The following ASIC2 variants were observed in gnomAD, a reference collection of about 807,000 sequenced individuals.
The protein encoded by ASIC2 is acid sensing ion channel subunit 2.
In ASIC2, 25 loss-of-function variants were observed where a neutral mutation model predicts 57.3. That is an observed-to-expected ratio of 0.44 (90% CI 0.32 to 0.61). The LOEUF (loss-of-function observed/expected upper bound fraction) is 0.61. ASIC2 is among the 20% of genes least tolerant of loss of function. The pLI is 0.06. For synonymous variants in ASIC2, 319 were observed against 307.5 expected, an observed-to-expected ratio of 1.04 and a Z score of -0.39; for missense variants, 641 against 738.1, an observed-to-expected ratio of 0.87 and a Z score of 1.52.
chr17:33,734,532 AC>A (rs1909852314), intron 1 of ASIC2, among the ~76,000 whole-genome samples: 1 of 151,826 alleles, frequency 6.6e-6, no homozygotes, highest in South Asian at 2.1e-4. Context: ...CTCATTTCCT[AC>A]CTACCCCTCT....
intron 1 of ASIC2, among the ~76,000 whole-genome samples, chr17:33,898,954 C>T (rs1420415780): frequency 2.0e-5 from 3 of 152,116 alleles, no homozygotes; most frequent in Admixed American, 1.3e-4. Flanking sequence ...ACTCAACTTA[C>T]CCCTTCCTCC....
intron 1 of ASIC2, among the ~76,000 whole-genome samples, chr17:33,502,617 C>T (rs1184250532): frequency 6.6e-6 from 1 of 152,152 alleles, no homozygotes; most frequent in Non-Finnish European, 1.5e-5. Flanking sequence ...TGGAGTAGAC[C>T]TGTGTCCAGG....
At chr17:34,116,868 C>T (rs1048686787) in intron 1 of ASIC2, among the ~76,000 whole-genome samples, 4 of 151,688 alleles carry the variant, frequency 2.6e-5, no homozygotes, top group Admixed American at 2.0e-4. Flanking sequence ...GGGAGGAGGG[C>T]GTATAATATG....
At chr17:33,119,884 T>A (rs1450479012) in intron 1 of ASIC2, among the ~76,000 whole-genome samples, 1 of 152,234 alleles carries the variant, frequency 6.6e-6, no homozygotes, top group Non-Finnish European at 1.5e-5. Context: ...ATTAATGTCA[T>A]TCTCCTTAGA....
At chr17:33,397,892 C>T (rs759464550) in intron 1 of ASIC2, among the ~76,000 whole-genome samples, 3 of 152,198 alleles carry the variant, frequency 2.0e-5, no homozygotes, top group African/African-American at 4.8e-5. Flanking sequence ...ATTTTAAAAT[C>T]GTTCTTTAGT....
At chr17:33,779,820 T>C (rs1289070762) in intron 1 of ASIC2, among the ~76,000 whole-genome samples, 1 of 152,142 alleles carries the variant, frequency 6.6e-6, no homozygotes, top group African/African-American at 2.4e-5. Context: ...TCATTTAATC[T>C]TCGCACAACC....
chr17:33,027,755 A>G (rs1325607941), intron 4 of ASIC2, among the ~76,000 whole-genome samples: 1 of 152,226 alleles, frequency 6.6e-6, no homozygotes, highest in Non-Finnish European at 1.5e-5. Flanking sequence ...ACTGTGTGAG[A>G]TGGCCACATG....
intron 1 of ASIC2, among the ~76,000 whole-genome samples, chr17:33,508,064 C>T (rs527510784): frequency 6.6e-6 from 1 of 152,124 alleles, no homozygotes; most frequent in South Asian, 2.1e-4. Flanking sequence ...ACCTTTTGCC[C>T]CATTTCCTGA....
chr17:33,849,447 C>A (rs1435350777), intron 1 of ASIC2, among the ~76,000 whole-genome samples: 1 of 152,100 alleles, frequency 6.6e-6, no homozygotes, highest in Non-Finnish European at 1.5e-5. Flanking sequence ...ACTCAAGGTC[C>A]CATGGTTAGT....
chr17:34,114,762 C>T (rs1422597227), intron 1 of ASIC2, among the ~76,000 whole-genome samples: 1 of 152,152 alleles, frequency 6.6e-6, no homozygotes, highest in Admixed American at 6.5e-5. Context: ...ACACAGCCAG[C>T]ATTATTCCCC....
At chr17:33,494,419 G>A (rs1186145266) in intron 1 of ASIC2, among the ~76,000 whole-genome samples, 1 of 152,150 alleles carries the variant, frequency 6.6e-6, no homozygotes, top group Non-Finnish European at 1.5e-5. Context: ...TGTGGCCTTG[G>A]GTGAGTCACT....
intron 1 of ASIC2, among the ~76,000 whole-genome samples, chr17:33,358,648 C>G (rs958974688): frequency 6.6e-6 from 1 of 152,184 alleles, no homozygotes; most frequent in African/African-American, 2.4e-5. Context: ...TCACTAATCT[C>G]TAATTACTGT....
intron 6 of ASIC2, among the ~76,000 whole-genome samples, chr17:33,023,201 C>T (rs2091844671): frequency 6.6e-6 from 1 of 152,132 alleles, no homozygotes; most frequent in Admixed American, 6.5e-5. Context: ...TTAAAAAAAT[C>T]TCTGGGCCAG....
At chr17:34,004,606 G>A (rs915670971) in intron 1 of ASIC2, 5 of 152,174 alleles carry the variant, frequency 3.3e-5, no homozygotes, top group South Asian at 2.1e-4. Flanking sequence ...GTGACCTTAC[G>A]TGAGACACTT....
chr17:33,634,550 C>G (rs1157254709), intron 1 of ASIC2, among the ~76,000 whole-genome samples: 3 of 134,490 alleles, frequency 2.2e-5, no homozygotes, highest in East Asian at 2.2e-4. Flanking sequence ...GAGTCTCACT[C>G]TGTCGCCCAG....
chr17:33,856,362 T>C (rs941299410), intron 1 of ASIC2, among the ~76,000 whole-genome samples: 1 of 99,354 alleles, frequency 1.0e-5, no homozygotes, highest in Non-Finnish European at 2.2e-5. Context: ...GTAAAAGTTG[T>C]ATGGTAGCAG....
Position 33,553,086 on chromosome 17 carries a change from C to G in ASIC2, c.556-441019G>C, listed in dbSNP as rs139595869. 5.7e-3 allele frequency among the ~76,000 whole-genome samples: 874 copies of G among 152,244 alleles called. 5 individuals are homozygous for G. Among genetic ancestry groups the G allele is most frequent in the South Asian group, 0.027 (132 of 4,814 alleles). ...GAGAAAGGGACTCCTAGAGTTCTGG[C>G]AATCCTCCCCTACCCTGGAGTGGCA... is the stretch of plus-strand genomic sequence containing the variant. On this transcript the variant is annotated intron_variant, in intron 1 of 9. Coordinates refer to the ASIC2 transcript ENST00000359872.
chr17:33,248,010 T>C (rs930496370), intron 1 of ASIC2, among the ~76,000 whole-genome samples: 2 of 152,190 alleles, frequency 1.3e-5, no homozygotes, highest in Non-Finnish European at 2.9e-5. Context: ...TCGAAGGTGA[T>C]AGAAGACTAT....
chr17:33,237,757 AG>A (rs1266528521), intron 1 of ASIC2, among the ~76,000 whole-genome samples: 3 of 152,238 alleles, frequency 2.0e-5, no homozygotes, highest in Non-Finnish European at 4.4e-5. Flanking sequence ...CAAGTGGCAC[AG>A]GGTGGATACT....
Sources: gnomAD v4.1 joint callset for allele counts (sites outside exome capture counted in the v4.1 genomes callset) on GRCh38, gnomAD v4.1.1 for gene constraint, MANE v1.5 for transcripts, NCBI Gene and HGNC (gene_info 2026-07-23, HGNC 2026-07-21) for gene names.